INPP4B: variants seen among roughly 807,000 people sequenced by gnomAD.
INPP4B encodes the protein inositol polyphosphate 4-phosphatase type II.
Under a neutral mutation model 122.5 loss-of-function variants are expected in INPP4B, and 55 were observed. That is an observed-to-expected ratio of 0.45 (90% CI 0.36 to 0.56). The LOEUF (loss-of-function observed/expected upper bound fraction) is 0.56. Among genes scored for constraint, INPP4B ranks in the 20% least tolerant of loss-of-function variants. The probability of loss-of-function intolerance (pLI) is 0.00; values close to 1 mark genes in which losing one functional copy is unlikely to be tolerated. For synonymous variants in INPP4B, 403 were observed against 388.7 expected (o/e 1.04, Z -0.43); for missense variants, 1,000 against 1,097.7 (o/e 0.91, Z 1.26).
At chr4:142,082,929 C>A (rs544836508) in intron 24 of INPP4B, among the ~76,000 whole-genome samples, 1 of 152,084 alleles carries the variant, frequency 6.6e-6, no homozygotes, top group African/African-American at 2.4e-5. Flanking sequence ...GAGTTTGAGA[C>A]TAGCCTGGGA....
chr4:142,537,709 ATG>A (rs1828452317), intron 2 of INPP4B, among the ~76,000 whole-genome samples: 1 of 148,478 alleles, frequency 6.7e-6, no homozygotes, highest in Non-Finnish European at 1.5e-5. Context: ...TTGCTTATAT[ATG>A]TGTGTCTGTG....
chr4:142,347,524 A>T (rs564855875), intron 7 of INPP4B: 181 of 441,900 alleles, frequency 4.1e-4, no homozygotes, highest in Non-Finnish European at 7.2e-4. Context: ...GGGGTCAAAA[A>T]ATTCACAGTG....
At chr4:142,502,989 TGG>T (rs983291155) in intron 2 of INPP4B, among the ~76,000 whole-genome samples, 8 of 152,176 alleles carry the variant, frequency 5.3e-5, no homozygotes, top group African/African-American at 1.9e-4. Context: ...TATGAAGCCT[TGG>T]AAGCTATAAG....
At chr4:142,402,817 A>T in intron 7 of INPP4B, 121 bp downstream of exon 7, 2 of 691,700 alleles carry the variant, frequency 2.9e-6, no homozygotes, top group South Asian at 3.3e-5. Context: ...AACGATAAAC[A>T]TAAGACAATC....
chr4:142,560,266 C>G (rs963975181), intron 2 of INPP4B, among the ~76,000 whole-genome samples: 2 of 152,198 alleles, frequency 1.3e-5, no homozygotes, highest in African/African-American at 4.8e-5. Context: ...CTAGACATGG[C>G]CCTCTTTTCT....
At chr4:142,255,980 G>A (rs11724627) in intron 11 of INPP4B, among the ~76,000 whole-genome samples, 107,748 of 142,418 alleles carry the variant, frequency 0.76, 42,444 homozygotes, top group East Asian at 0.93. Flanking sequence ...CAAATGTAAA[G>A]TAACAGAAAT....
intron 25 of INPP4B, among the ~76,000 whole-genome samples, chr4:142,045,209 T>C (rs1578711640): frequency 1.3e-5 from 2 of 152,168 alleles, no homozygotes; most frequent in East Asian, 3.9e-4. Context: ...TCTCCTGAAC[T>C]GATCCCTTCT....
At chr4:142,719,637 T>C (rs1041708286) in intron 2 of INPP4B, among the ~76,000 whole-genome samples, 2 of 152,122 alleles carry the variant, frequency 1.3e-5, no homozygotes, top group Admixed American at 6.5e-5. Context: ...AATTTTCTTA[T>C]TAATTTCTGA....
intron 2 of INPP4B, among the ~76,000 whole-genome samples, chr4:142,467,718 T>C (rs1474702762): frequency 6.6e-6 from 1 of 151,960 alleles, no homozygotes; most frequent in African/African-American, 2.4e-5. Context: ...GATTTCGGGG[T>C]CCAGGGGCAA....
chr4:142,237,668 T>C (rs1010132188), intron 12 of INPP4B, among the ~76,000 whole-genome samples, 196 bp downstream of exon 12: 4 of 151,852 alleles, frequency 2.6e-5, no homozygotes, highest in Non-Finnish European at 4.4e-5. Flanking sequence ...ATAGATAACA[T>C]AGAAAAAATG....
chr4:142,099,333 C>A (rs1783469475), intron 23 of INPP4B, among the ~76,000 whole-genome samples: 1 of 152,050 alleles, frequency 6.6e-6, no homozygotes, highest in South Asian at 2.1e-4. Context: ...CAAATATGAA[C>A]AATATATGAA....
At chr4:142,450,417 C>T (rs1415117787) in intron 3 of INPP4B, among the ~76,000 whole-genome samples, 1 of 152,164 alleles carries the variant, frequency 6.6e-6, no homozygotes, top group Non-Finnish European at 1.5e-5. Flanking sequence ...CACATAGAAA[C>T]ATGCAGAGGG....
At chr4:142,177,366 G>C (rs573088494) in intron 15 of INPP4B, among the ~76,000 whole-genome samples, 17 of 152,190 alleles carry the variant, frequency 1.1e-4, no homozygotes, top group Middle Eastern at 3.4e-3. Context: ...AACAGTTATA[G>C]CTTCTTAAAT....
intron 2 of INPP4B, among the ~76,000 whole-genome samples, chr4:142,490,219 G>A (rs774044890): frequency 6.6e-5 from 10 of 151,792 alleles, no homozygotes; most frequent in Non-Finnish European, 1.2e-4. Context: ...TGAGTAGCTT[G>A]GACCACAAAT....
At chr4:142,555,325 T>C (rs1302120918) in intron 2 of INPP4B, among the ~76,000 whole-genome samples, 1 of 152,316 alleles carries the variant, frequency 6.6e-6, no homozygotes, top group Non-Finnish European at 1.5e-5. Flanking sequence ...TTTAGAAAGC[T>C]AGTTCAGCAG....
intron 25 of INPP4B, among the ~76,000 whole-genome samples, chr4:142,058,483 C>G (rs1466343202): frequency 3.3e-5 from 5 of 152,040 alleles, no homozygotes; most frequent in Non-Finnish European, 7.4e-5. Flanking sequence ...GAAGCAATTT[C>G]AGGTCCTCTG....
chr4:142,697,065 T>A (rs942827759), intron 2 of INPP4B, among the ~76,000 whole-genome samples: 28 of 152,194 alleles, frequency 1.8e-4, no homozygotes, highest in African/African-American at 6.8e-4. Context: ...GATGCATTTT[T>A]AAAAATTCTT....
At chr4:142,240,739 A>T (rs909479969) in intron 11 of INPP4B, among the ~76,000 whole-genome samples, 5 of 152,260 alleles carry the variant, frequency 3.3e-5, no homozygotes, top group African/African-American at 9.6e-5. Flanking sequence ...ATCATGTCTG[A>T]TGCAAGAATA....
At position 142,779,586 on chromosome 4, in the gene INPP4B, T is replaced by C. The variant is rs1327551641; in HGVS notation, c.-253-53685A>G. 4.6e-5 allele frequency among the ~76,000 whole-genome samples: 7 copies of C among 152,230 alleles called. No homozygotes were observed. The East Asian group carries it at 1.4e-3, about 30-fold the overall frequency. ...TACCAACATGGTACACTGAGGTCAATATTGGTATGGCATCCCTTCCCTCTT... is the reference window on the plus strand; with the variant it reads ...TACCAACATGGTACACTGAGGTCAACATTGGTATGGCATCCCTTCCCTCTT... On this transcript the variant is annotated intron_variant, in intron 1 of 25. Coordinates refer to ENST00000262992, the MANE Select transcript of INPP4B (RefSeq NM_001101669.3).
Sources: gnomAD v4.1 joint callset for allele counts (sites outside exome capture counted in the v4.1 genomes callset) on GRCh38, gnomAD v4.1.1 for gene constraint, MANE v1.5 for transcripts, NCBI Gene and HGNC (gene_info 2026-07-23, HGNC 2026-07-21) for gene names.